INPP4B: variants seen among roughly 807,000 people sequenced by gnomAD.
INPP4B encodes the protein inositol polyphosphate 4-phosphatase type II.
Under a neutral mutation model 122.5 loss-of-function variants are expected in INPP4B, and 55 were observed. The ratio of observed to expected loss-of-function variants is 0.45; its 90% CI spans 0.36 to 0.56. INPP4B has a LOEUF of 0.56. INPP4B is among the 20% of genes least tolerant of loss of function. The pLI, the probability that INPP4B is intolerant of heterozygous loss-of-function variation, is 0.00. For synonymous variants in INPP4B, 403 were observed against 388.7 expected (o/e 1.04, Z -0.43); for missense variants, 1,000 against 1,097.7 (o/e 0.91, Z 1.26).
intron 2 of INPP4B, among the ~76,000 whole-genome samples, chr4:142,653,435 C>T (rs1648765635): frequency 6.6e-6 from 1 of 152,114 alleles, no homozygotes. Context: ...AGTGAACAGA[C>T]AACCTACTGA....
chr4:142,789,009 A>C (rs11100757), intron 1 of INPP4B, among the ~76,000 whole-genome samples: 13,931 of 152,166 alleles, frequency 0.092, 810 homozygotes, highest in African/African-American at 0.16. Flanking sequence ...ATAGATGCAG[A>C]AAAAGCATTT....
chr4:142,339,259 G>GC (rs927535559), intron 7 of INPP4B, among the ~76,000 whole-genome samples: 19 of 152,148 alleles, frequency 1.2e-4, no homozygotes, highest in Non-Finnish European at 2.4e-4. Context: ...ATTTGCAAGT[G>GC]CCGTCTGTTT....
intron 12 of INPP4B, among the ~76,000 whole-genome samples, chr4:142,213,327 T>C (rs1261463300): frequency 6.6e-6 from 1 of 152,158 alleles, no homozygotes; most frequent in East Asian, 1.9e-4. Context: ...AGTGGCTCAT[T>C]GTCAGTCTGT....
At chr4:142,411,117 C>T (rs573630621) in intron 5 of INPP4B, among the ~76,000 whole-genome samples, 50 of 152,184 alleles carry the variant, frequency 3.3e-4, no homozygotes, top group African/African-American at 1.1e-3. Flanking sequence ...TAATTTTCAC[C>T]TCTAATGAGG....
intron 2 of INPP4B, among the ~76,000 whole-genome samples, chr4:142,621,233 C>T (rs915502310): frequency 6.6e-6 from 1 of 151,776 alleles, no homozygotes; most frequent in African/African-American, 2.4e-5. Flanking sequence ...GTAAATCCTT[C>T]TTCTTATTAT....
chr4:142,560,890 A>G (rs1472387357), intron 2 of INPP4B, among the ~76,000 whole-genome samples: 1 of 152,226 alleles, frequency 6.6e-6, no homozygotes, highest in Non-Finnish European at 1.5e-5. Context: ...AATGCAGTCA[A>G]GTTGACACTC....
intron 9 of INPP4B, among the ~76,000 whole-genome samples, chr4:142,302,276 C>A (rs987956698): frequency 6.6e-6 from 1 of 152,076 alleles, no homozygotes; most frequent in Non-Finnish European, 1.5e-5. Context: ...AGCCTCGGCA[C>A]GGTGGTGAAG....
intron 7 of INPP4B, among the ~76,000 whole-genome samples, chr4:142,338,989 G>A (rs1052901527): frequency 1.3e-5 from 2 of 152,106 alleles, no homozygotes; most frequent in African/African-American, 2.4e-5. Flanking sequence ...GAGGGGAGAA[G>A]GAGGTCGGAA....
At chr4:142,446,599 T>C (rs887138223) in intron 3 of INPP4B, among the ~76,000 whole-genome samples, 10 of 152,282 alleles carry the variant, frequency 6.6e-5, no homozygotes, top group Middle Eastern at 3.4e-3. Context: ...TCTAATAAAA[T>C]ATTGAAAACA....
At chr4:142,559,310 T>A (rs1355779811) in intron 2 of INPP4B, among the ~76,000 whole-genome samples, 1 of 152,214 alleles carries the variant, frequency 6.6e-6, no homozygotes, top group Non-Finnish European at 1.5e-5. Flanking sequence ...GCAAGTTTTT[T>A]TCACTGTTAT....
rs1302212774 is a variant in INPP4B at position 142,636,349 on chromosome 4, TAAAC to T, written c.-191+89486_-191+89489del. ...GCAACAAAAGTCAAATACCTAGAAA[TAAAC>T]AAAATAAATAATGTGTAAAACCTAT... is the stretch of plus-strand genomic sequence containing the variant. On this transcript the variant is annotated intron_variant, in intron 2 of 25. Coordinates refer to ENST00000262992, the MANE Select transcript of INPP4B (RefSeq NM_001101669.3). Among the ~76,000 whole-genome samples the T allele has an allele frequency of 2.0e-5, 3 of 152,084 alleles. No individual in the cohort carries two copies. In the East Asian group the frequency reaches 5.8e-4, roughly 29 times the overall value.
intron 18 of INPP4B, among the ~76,000 whole-genome samples, chr4:142,134,596 G>A (rs1803037149): frequency 6.6e-6 from 1 of 151,986 alleles, no homozygotes; most frequent in African/African-American, 2.4e-5. Context: ...GGGAGTTCGA[G>A]ATCAGCCTGA....
intron 3 of INPP4B, among the ~76,000 whole-genome samples, chr4:142,433,647 C>G (rs561417646): frequency 6.6e-6 from 1 of 152,090 alleles, no homozygotes; most frequent in African/African-American, 2.4e-5. Flanking sequence ...CAACACACAT[C>G]GAAAAATTGG....
At chr4:142,066,657 G>A (rs1372716157) in intron 25 of INPP4B, among the ~76,000 whole-genome samples, 8 of 152,162 alleles carry the variant, frequency 5.3e-5, no homozygotes. Flanking sequence ...CTTAGCAAAC[G>A]GCACACCAGG....
chr4:142,031,226 AG>A (rs1219108105), intron 25 of INPP4B, among the ~76,000 whole-genome samples: 1 of 152,178 alleles, frequency 6.6e-6, no homozygotes, highest in Non-Finnish European at 1.5e-5. Flanking sequence ...TCAGTGGTTA[AG>A]GGGGTGGGAT....
intron 25 of INPP4B, among the ~76,000 whole-genome samples, chr4:142,059,234 C>T (rs1759333415): frequency 6.6e-6 from 1 of 152,088 alleles, no homozygotes; most frequent in African/African-American, 2.4e-5. Context: ...TCAATGTCTC[C>T]TGTGGGTGGA....
At position 142,713,868 on chromosome 4, in the gene INPP4B, G is replaced by T. The variant is rs79612669; in HGVS notation, c.-191+11971C>A. ...TGTGTTAAAGTGTTACCCTTTCCCT[G>T]GGTAAACTTTGGGCTGCCCACTTAG... On this transcript the variant is annotated intron_variant, in intron 2 of 25. Coordinates refer to ENST00000262992, the MANE Select transcript of INPP4B (RefSeq NM_001101669.3). Among the ~76,000 whole-genome samples, 1,203 of 152,196 alleles carry T rather than the reference G, an allele frequency of 7.9e-3. 12 individuals are homozygous for T. Among genetic ancestry groups the T allele is most frequent in the African/African-American group, 0.027 (1,125 of 41,526 alleles).
At chr4:142,052,112 A>C (rs1754931752) in intron 25 of INPP4B, among the ~76,000 whole-genome samples, 1 of 152,022 alleles carries the variant, frequency 6.6e-6, no homozygotes, top group Admixed American at 6.6e-5. Context: ...TTTTTTGATC[A>C]AGAATAAACT....
intron 14 of INPP4B, among the ~76,000 whole-genome samples, chr4:142,201,157 T>C (rs1840459850): frequency 6.6e-6 from 1 of 152,054 alleles, no homozygotes; most frequent in Non-Finnish European, 1.5e-5. Flanking sequence ...AAAGAGTGGC[T>C]TTGAAGGAAA....
Sources: allele counts gnomAD v4.1 joint callset (sites outside exome capture counted in the v4.1 genomes callset), GRCh38; gene constraint gnomAD v4.1.1; transcripts MANE v1.5; gene names NCBI Gene and HGNC (gene_info 2026-07-23, HGNC 2026-07-21).